CTTNBP2: variants seen among roughly 807,000 people sequenced by gnomAD.
CTTNBP2 encodes the protein cortactin binding protein 2.
In CTTNBP2, 108 loss-of-function variants were observed where a neutral mutation model predicts 156.9. The ratio of observed to expected loss-of-function variants is 0.69; its 90% CI spans 0.59 to 0.81. The LOEUF is 0.81. CTTNBP2 is among the 30% of genes least tolerant of loss of function. The pLI is 0.00. For missense variants in CTTNBP2, 1,924 were observed against 2,035.4 expected, an observed-to-expected ratio of 0.95 and a Z score of 1.05; for synonymous variants, 767 against 751.8, an observed-to-expected ratio of 1.02 and a Z score of -0.33.
At chr7:117,743,496 C>A (rs1043187165) in intron 14 of CTTNBP2, among the ~76,000 whole-genome samples, 2 of 151,914 alleles carry the variant, frequency 1.3e-5, no homozygotes, top group African/African-American at 4.8e-5. Context: ...CAAGTGTTTT[C>A]ATGTTTATAA....
chr7:117,752,613 T>C (rs1796670695), intron 12 of CTTNBP2, among the ~76,000 whole-genome samples: 1 of 152,196 alleles, frequency 6.6e-6, no homozygotes, highest in Non-Finnish European at 1.5e-5. Flanking sequence ...CATGTGGTTT[T>C]CTGCATAAGG....
chr7:117,740,169 AAAGT>A (rs1292970140), intron 14 of CTTNBP2, among the ~76,000 whole-genome samples: 3 of 152,080 alleles, frequency 2.0e-5, no homozygotes, highest in Non-Finnish European at 4.4e-5. Context: ...AAATAAACAC[AAAGT>A]AATTTATGCT....
chr7:117,782,978 A>G lies in CTTNBP2; in HGVS notation c.2273-17T>C. On this transcript the variant is annotated splice_polypyrimidine_tract_variant and intron_variant, in intron 5 of 22. Transcript: ENST00000160373. Reference sequence around the variant, plus strand: ...TCACACAGTCTATGGATTTTAATAGAAAGCCATGTAAATTCCCCATTTGGA... The same window carrying G: ...TCACACAGTCTATGGATTTTAATAGGAAGCCATGTAAATTCCCCATTTGGA... 2 of 1,585,332 alleles carry G rather than the reference A, an allele frequency of 1.3e-6. No individual in the cohort carries two copies. The highest frequency in any genetic ancestry group is 2.2e-5 in the East Asian group (1 of 44,760).
chr7:117,851,276 G>T (rs1286240601), intron 2 of CTTNBP2, among the ~76,000 whole-genome samples: 1 of 152,028 alleles, frequency 6.6e-6, no homozygotes, highest in Non-Finnish European at 1.5e-5. Context: ...GGGAAAAAAA[G>T]AAAAAGAAGA....
At position 117,767,152 on chromosome 7, in the gene CTTNBP2, G is replaced by T; in HGVS notation, c.2803C>A (p.His935Asn). ...FKNCLEILCR[H>N]GGLEPERRDK... ...CTCCTTTCTGGCTCAAGCCCTCCGT[G>T]CCTACACAAGATTTCTAGGCAGTTC... Residue 935 changes from histidine to asparagine, a missense_variant, in exon 9 of 23, where the codon CAC (histidine) becomes AAC (asparagine). Transcript: ENST00000160373. 1.2e-6 allele frequency: 2 copies of T among 1,608,466 alleles called. No homozygotes were observed. The highest frequency in any genetic ancestry group is 1.7e-6 in the Non-Finnish European group (2 of 1,175,018).
chr7:117,791,915 A>G lies in CTTNBP2; in HGVS notation c.1281T>C (p.Ser427=), dbSNP rs1799042142. 6.2e-7 allele frequency: 1 copy of G among 1,614,068 alleles called. No individual in the cohort carries two copies. Among genetic ancestry groups the G allele is most frequent in the Admixed American group, 1.7e-5 (1 of 60,008 alleles). Residue 427 remains serine (S), a synonymous_variant, in exon 4 of 23, where the codon AGT becomes AGC. Coordinates refer to ENST00000160373, the MANE Select transcript of CTTNBP2 (RefSeq NM_033427.3). The part of the protein sequence containing the change: ...PQNSQAPPMH[S]LHSPCANTSL... Reference sequence around the variant, plus strand: ...AGGTGTTGGCACATGGTGAATGTAAACTGTGCATAGGTGGAGCTTGCGAGT... The same window carrying G: ...AGGTGTTGGCACATGGTGAATGTAAGCTGTGCATAGGTGGAGCTTGCGAGT...
intron 8 of CTTNBP2, among the ~76,000 whole-genome samples, chr7:117,770,380 T>A (rs1797737261): frequency 6.6e-6 from 1 of 152,200 alleles, no homozygotes; most frequent in African/African-American, 2.4e-5. Flanking sequence ...GAGTAGCACA[T>A]AGCCAAACAC....
chr7:117,738,780 T>C (rs754729574), intron 14 of CTTNBP2, among the ~76,000 whole-genome samples: 8 of 152,116 alleles, frequency 5.3e-5, no homozygotes, highest in African/African-American at 1.7e-4. Context: ...GGTGAGGGCA[T>C]TGAGGAAGGA....
rs1584936410 is a variant in CTTNBP2, at chr7:117,746,167, A to C, written c.3349-68T>G. The C allele has an allele frequency of 4.8e-6, 5 of 1,041,592 alleles. No homozygotes were observed. The East Asian group carries it at 1.2e-4, about 25-fold the overall frequency. The allele number at this position is 1,041,592 out of a possible 1,614,324, so 64.5% of individuals were successfully genotyped here. A position where few individuals can be genotyped will look rare whatever the true frequency, so the allele number is the denominator to read the frequency against. ...TTGATGAGAGAAAAAAGTGGTACAC[A>C]GGTGTGGAATTCTTTTTTGATTGTC... is the stretch of plus-strand genomic sequence containing the variant. On this transcript the variant is annotated intron_variant, in intron 12 of 22. Transcript: ENST00000160373.
At chr7:117,768,386 G>A (rs1361440138) in intron 8 of CTTNBP2, among the ~76,000 whole-genome samples, 1 of 151,738 alleles carries the variant, frequency 6.6e-6, no homozygotes, top group Admixed American at 6.6e-5. Context: ...GGCCAACATG[G>A]TAAAACCCCA....
Position 117,838,962 on chromosome 7 carries a change from G to C in CTTNBP2, c.189+22247C>G, listed in dbSNP as rs549867374. Among the ~76,000 whole-genome samples the C allele has an allele frequency of 6.9e-3, 517 of 74,706 alleles. 6 individuals carry two copies. The highest frequency in any genetic ancestry group is 6.5e-3 in the Non-Finnish European group (267 of 40,856). The allele number at this position is 74,706 out of a possible 152,430, so 49.0% of individuals were successfully genotyped here. On this transcript the variant is annotated intron_variant, in intron 2 of 22. Coordinates refer to ENST00000160373, the MANE Select transcript of CTTNBP2 (RefSeq NM_033427.3). The stretch of plus-strand genomic sequence containing the variant: ...GTTGAATAATGTATAGTAACATTGC[G>C]GGGGCGGGGGGGGGGCTTTTAAAAA...
chr7:117,784,559 C>G (rs1287191116), intron 4 of CTTNBP2, 105 bp from the exon 5 acceptor site: 11 of 721,262 alleles, frequency 1.5e-5, no homozygotes, highest in Non-Finnish European at 2.4e-5. Flanking sequence ...GAACATGTGT[C>G]CCTAGAGGAT....
intron 16 of CTTNBP2, among the ~76,000 whole-genome samples, chr7:117,732,649 C>CAAAAA (rs397710322): frequency 2.3e-5 from 1 of 43,040 alleles, no homozygotes; most frequent in Non-Finnish European, 4.9e-5. Flanking sequence ...GACTCCGTCT[C>CAAAAA]AAAAAAAAAA....
rs371072861 is a variant in CTTNBP2, at chr7:117,730,050, CAAGGTGCTGGA to C, written c.3877-1794_3877-1784del. On this transcript the variant is annotated intron_variant, in intron 16 of 22. Coordinates refer to ENST00000160373, the MANE Select transcript of CTTNBP2 (RefSeq NM_033427.3). ...ACAGTCTATGTAACTGTTACTAATT[CAAGGTGCTGGA>C]TCTGATCCCCCACCTAGTATGTCCC... is the stretch of plus-strand genomic sequence containing the variant. Among the ~76,000 whole-genome samples, 494 of 152,310 alleles carry C rather than the reference CAAGGTGCTGGA, an allele frequency of 3.2e-3. 4 individuals carry two copies. Among genetic ancestry groups the C allele is most frequent in the African/African-American group, 0.011 (475 of 41,570 alleles).
chr7:117,721,231 C>G (rs1263743928), intron 19 of CTTNBP2, 101 bp from the exon 20 acceptor site: 1 of 770,178 alleles, frequency 1.3e-6, no homozygotes, highest in Non-Finnish European at 2.3e-6. Flanking sequence ...TACTTTCATA[C>G]TGTTCTTGGA....
chr7:117,737,715 A>C (rs1410162368), intron 14 of CTTNBP2, among the ~76,000 whole-genome samples: 1 of 152,096 alleles, frequency 6.6e-6, no homozygotes, highest in Admixed American at 6.5e-5. Flanking sequence ...CTGGGATTAC[A>C]GGTGCACACC....
intron 1 of CTTNBP2, among the ~76,000 whole-genome samples, chr7:117,872,903 G>T (rs1045444454): frequency 1.9e-4 from 29 of 151,928 alleles, no homozygotes; most frequent in Non-Finnish European, 1.3e-4. Context: ...TCCGCTGAGC[G>T]GTACCAGGCA....
intron 9 of CTTNBP2, among the ~76,000 whole-genome samples, chr7:117,761,934 G>A (rs1048690520): frequency 6.6e-6 from 1 of 152,104 alleles, no homozygotes; most frequent in Non-Finnish European, 1.5e-5. Context: ...GTAACCAACT[G>A]CTGGATTACT....
chr7:117,812,877 A>G (rs928851719), intron 2 of CTTNBP2, among the ~76,000 whole-genome samples: 1 of 152,190 alleles, frequency 6.6e-6, no homozygotes, highest in African/African-American at 2.4e-5. Flanking sequence ...AATAGCCTCT[A>G]TTTGATTATT....
Sources: gnomAD v4.1 joint callset for allele counts (sites outside exome capture counted in the v4.1 genomes callset) on GRCh38, gnomAD v4.1.1 for gene constraint, MANE v1.5 for transcripts, NCBI Gene and HGNC (gene_info 2026-07-23, HGNC 2026-07-21) for gene names.